The following HYAL4 variants were observed in gnomAD, a reference collection of about 807,000 sequenced individuals.
The protein encoded by HYAL4 is hyaluronidase-4.
A neutral mutation model predicts 35.2 loss-of-function variants in HYAL4; 37 were observed. The ratio of observed to expected loss-of-function variants is 1.05; its 90% confidence interval spans 0.81 to 1.38. The LOEUF (loss-of-function observed/expected upper bound fraction) is 1.38, where lower values mean the gene tolerates loss of function less well. Among genes scored for constraint, HYAL4 ranks in the 40% most tolerant of loss-of-function variants. HYAL4 has a pLI of 0.00. For synonymous variants in HYAL4, 198 were observed against 203.2 expected (o/e 0.97, Z 0.22); for missense variants, 572 against 572.4 (o/e 1.00, Z 0.01).
At chr7:123,863,113 T>C (rs373433557) in intron 2 of HYAL4, among the ~76,000 whole-genome samples, 12 of 152,338 alleles carry the variant, frequency 7.9e-5, no homozygotes, top group African/African-American at 2.6e-4. Context: ...CTGCCTTATT[T>C]ATTTTTCTTT....
At chr7:123,866,739 GTCTTCCC>G (rs1806695362) in intron 2 of HYAL4, among the ~76,000 whole-genome samples, 1 of 150,922 alleles carries the variant, frequency 6.6e-6, no homozygotes, top group African/African-American at 2.4e-5. Context: ...AGCCACTATC[GTCTTCCC>G]TCTTCTACTA....
chr7:123,824,536 A>G (rs978535166), upstream of HYAL4, among the ~76,000 whole-genome samples: 3 of 152,060 alleles, frequency 2.0e-5, no homozygotes, highest in Non-Finnish European at 4.4e-5. Context: ...CGCTGCTGCA[A>G]TTTGGTTACA....
chr7:123,796,206 A>G, the HYAL4 span, among the ~76,000 whole-genome samples: 1 of 152,226 alleles, frequency 6.6e-6, no homozygotes, highest in African/African-American at 2.4e-5. Context: ...ACAGAACAGC[A>G]TGGATTAGAC....
chr7:123,862,753 C>A (rs1806602575), intron 2 of HYAL4, among the ~76,000 whole-genome samples: 1 of 152,164 alleles, frequency 6.6e-6, no homozygotes, highest in African/African-American at 2.4e-5. Context: ...AGTCTTCCTG[C>A]TTCTCTCTTG....
intron 2 of HYAL4, among the ~76,000 whole-genome samples, chr7:123,863,520 A>G (rs977983878): frequency 6.6e-6 from 1 of 152,192 alleles, no homozygotes; most frequent in Admixed American, 6.5e-5. Flanking sequence ...GACTTGGTGA[A>G]GAGTCTAAGA....
At chr7:123,785,413 TA>T in the HYAL4 span, among the ~76,000 whole-genome samples, 1 of 152,140 alleles carries the variant, frequency 6.6e-6, no homozygotes, top group Non-Finnish European at 1.5e-5. This position sits in a 1 kb window ranked among gnomAD's most constrained non-coding sequence, Gnocchi z 4.5. Context: ...TTTAAACAAA[TA>T]AAACATGTCT....
chr7:123,855,404 C>A (rs1368224304), intron 2 of HYAL4, among the ~76,000 whole-genome samples: 1 of 152,002 alleles, frequency 6.6e-6, no homozygotes, highest in African/African-American at 2.4e-5. Context: ...CTGATGGTAA[C>A]AAAATCCCTC....
the HYAL4 span, among the ~76,000 whole-genome samples, chr7:123,764,591 G>A: frequency 6.6e-6 from 1 of 152,216 alleles, no homozygotes; most frequent in Non-Finnish European, 1.5e-5. Context: ...GAGAAGGGAG[G>A]AAAGAAAGGA....
intron 2 of HYAL4, among the ~76,000 whole-genome samples, chr7:123,852,831 A>T (rs548333503): frequency 6.6e-6 from 1 of 152,082 alleles, no homozygotes; most frequent in African/African-American, 2.4e-5. Flanking sequence ...CTTGGGCAGT[A>T]TGGCCATTTT....
chr7:123,848,833 TA>T (rs1196845234), intron 2 of HYAL4, among the ~76,000 whole-genome samples: 1 of 152,190 alleles, frequency 6.6e-6, no homozygotes, highest in Non-Finnish European at 1.5e-5. Flanking sequence ...ATGCAACATT[TA>T]AAAGGGCTCA....
rs578181514 is a variant in HYAL4 at position 123,835,249 on chromosome 7, ATC to A, written c.-257+6131_-257+6132del. On this transcript the variant is annotated intron_variant, in intron 1 of 4. Transcript: ENST00000489978. Reference sequence around the variant, plus strand: ...GTAATTTTTTTTTGTTACCATTTCAATCTCTCTGTTTGTTATTGGTCTGTTCA... The same window carrying A: ...GTAATTTTTTTTTGTTACCATTTCAATCTCTGTTTGTTATTGGTCTGTTCA... Among the ~76,000 whole-genome samples the A allele has an allele frequency of 4.7e-4, 72 of 151,880 alleles. No individual in the cohort carries two copies. The East Asian group carries it at 0.013, about 27-fold the overall frequency.
the HYAL4 span, among the ~76,000 whole-genome samples, chr7:123,815,932 A>G: frequency 6.6e-6 from 1 of 152,224 alleles, no homozygotes; most frequent in Admixed American, 6.5e-5. Context: ...TCCAATTATT[A>G]ATTAGACTTG....
At chr7:123,840,150 A>G (rs943604658), upstream of HYAL4, among the ~76,000 whole-genome samples, 3 of 152,000 alleles carry the variant, frequency 2.0e-5, no homozygotes, top group African/African-American at 7.3e-5. Flanking sequence ...ATCCATCTTG[A>G]TTTAATTTTT....
chr7:123,862,337 C>A (rs934197635), intron 2 of HYAL4, among the ~76,000 whole-genome samples: 3 of 152,140 alleles, frequency 2.0e-5, no homozygotes, highest in Admixed American at 1.3e-4. Context: ...CAAACTCTCA[C>A]GGTTTTAGGA....
the HYAL4 span, among the ~76,000 whole-genome samples, chr7:123,785,590 G>A: frequency 5.3e-5 from 8 of 152,162 alleles, no homozygotes; most frequent in Admixed American, 5.2e-4. This position sits in a 1 kb window ranked among gnomAD's most constrained non-coding sequence, Gnocchi z 4.5. Context: ...TAAGAATGGG[G>A]ATGATGATAC....
At chr7:123,821,277 AG>A in the HYAL4 span, among the ~76,000 whole-genome samples, 1 of 152,184 alleles carries the variant, frequency 6.6e-6, no homozygotes, top group African/African-American at 2.4e-5. Context: ...TCCCATCAAC[AG>A]GGTATGGGGG....
At chr7:123,844,757 C>T (rs116094745), upstream of HYAL4, among the ~76,000 whole-genome samples, 1 of 152,156 alleles carries the variant, frequency 6.6e-6, no homozygotes, top group Non-Finnish European at 1.5e-5. Context: ...CCTCCCTCAG[C>T]CAGGCTGCTG....
the HYAL4 span, among the ~76,000 whole-genome samples, chr7:123,769,981 G>GT: frequency 1.0e-3 from 153 of 146,920 alleles, no homozygotes; most frequent in Admixed American, 3.9e-3. Flanking sequence ...GCCAAGTAAA[G>GT]TTTTTTTTTT....
intron 1 of HYAL4, among the ~76,000 whole-genome samples, chr7:123,846,839 T>A (rs1806185495): frequency 6.6e-6 from 1 of 152,188 alleles, no homozygotes; most frequent in Admixed American, 6.5e-5. Context: ...CCTCTATCCC[T>A]GTATTTCACT....
Sources: allele counts gnomAD v4.1 joint callset (sites outside exome capture counted in the v4.1 genomes callset), GRCh38; gene constraint gnomAD v4.1.1; non-coding constraint Gnocchi (gnomAD v3.1); transcripts MANE v1.5; gene names NCBI Gene and HGNC (gene_info 2026-07-23, HGNC 2026-07-21).